Variants in SCN10A observed in about 807,000 individuals in gnomAD.
SCN10A encodes the protein sodium voltage-gated channel alpha subunit 10, also known as sodium channel protein type 10 subunit alpha.
A neutral mutation model predicts 170.7 loss-of-function variants in SCN10A; 162 were observed. The observed-to-expected ratio is 0.95, with a 90% CI of 0.84 to 1.08. The LOEUF is 1.08. Among genes scored for constraint, SCN10A ranks in the 50% least tolerant of loss-of-function variants. The probability of loss-of-function intolerance (pLI) is 0.00; values close to 1 mark genes in which losing one functional copy is unlikely to be tolerated. For synonymous variants in SCN10A, 985 were observed against 904.6 expected (o/e 1.09, Z -1.59); for missense variants, 2,527 against 2,436.9 (o/e 1.04, Z -0.78).
At chr3:38,814,582 C>T (rs1479369239) in intron 1 of SCN10A, among the ~76,000 whole-genome samples, 1 of 152,138 alleles carries the variant, frequency 6.6e-6, no homozygotes, top group African/African-American at 2.4e-5. Context: ...CATTACAGAC[C>T]ATTCTCAGGT....
At chr3:38,751,143 T>C (rs1188338315) in intron 12 of SCN10A, among the ~76,000 whole-genome samples, 1 of 152,214 alleles carries the variant, frequency 6.6e-6, no homozygotes, top group East Asian at 1.9e-4. Context: ...CCCTGGCTTC[T>C]TCTCTCCTGT....
intron 26 of SCN10A, among the ~76,000 whole-genome samples, chr3:38,706,566 A>G (rs2063213240): frequency 6.6e-6 from 1 of 152,184 alleles, no homozygotes; most frequent in African/African-American, 2.4e-5. Flanking sequence ...CATTCCCAAA[A>G]AAGTGCTATC....
rs766854459 is a variant in SCN10A at position 38,771,308 on chromosome 3, G to T, written c.570C>A (p.Asn190Lys). Reference protein sequence around the residue: ...NEFTYLRDPWNWLDFSVITLA... With the variant: ...NEFTYLRDPWKWLDFSVITLA... ...GGGTAATGACGCTAAAATCCAGCCA[G>T]TTCCAAGGATCTCTCAGGTACGTGA... Residue 190 changes from asparagine (N) to lysine (K), a missense_variant, in exon 5 of 28, where the codon AAC (asparagine) becomes AAA (lysine). Coordinates refer to ENST00000449082, the MANE Select transcript of SCN10A (RefSeq NM_006514.4). 1.9e-6 allele frequency: 3 copies of T among 1,614,118 alleles called. No homozygotes were observed. In the South Asian group the frequency reaches 3.3e-5, roughly 18 times the overall value.
At chr3:38,801,693 C>T (rs911276278) in intron 1 of SCN10A, among the ~76,000 whole-genome samples, 1 of 152,084 alleles carries the variant, frequency 6.6e-6, no homozygotes, top group Non-Finnish European at 1.5e-5. Context: ...GAGGTCTTTC[C>T]CTACTAATGT....
At chr3:38,704,364 C>G (rs1232653888) in intron 26 of SCN10A, among the ~76,000 whole-genome samples, 2 of 152,184 alleles carry the variant, frequency 1.3e-5, no homozygotes, top group Non-Finnish European at 2.9e-5. Context: ...AAAATACAGG[C>G]CCATTCATGG....
chr3:38,712,296 A>T lies in SCN10A; in HGVS notation c.3954T>A (p.Phe1318Leu). The T allele has an allele frequency of 6.2e-7, 1 of 1,614,222 alleles. No homozygotes were observed. The highest frequency in any genetic ancestry group is 1.3e-5 in the African/African-American group (1 of 75,056). ...TCACAATCGACAAAGGTACAAGGGA[A>T]AACTCTCCATCGGTATAGTTGATGC... is the stretch of plus-strand genomic sequence containing the variant. ...WRCINYTDGEFSLVPLSIVNN... is the reference protein window; with the variant it reads ...WRCINYTDGELSLVPLSIVNN... The change falls in exon 23 of 28, where the codon TTT (phenylalanine) becomes TTA (leucine). Residue 1318 changes from phenylalanine (F) to leucine (L), a missense_variant. Coordinates refer to ENST00000449082, the MANE Select transcript of SCN10A (RefSeq NM_006514.4).
rs748821446 is a variant in SCN10A at position 38,756,697 on chromosome 3, C to T, written c.1267G>A (p.Glu423Lys). The T allele has an allele frequency of 1.7e-5, 27 of 1,613,894 alleles. No homozygotes were observed. Among genetic ancestry groups the T allele is most frequent in the African/African-American group, 1.5e-4 (11 of 74,922 alleles). ...AKEKKFQEALEMLRKEQEVLA... is the reference protein window; with the variant it reads ...AKEKKFQEALKMLRKEQEVLA... ...ACCTCCTGCTCCTTCCGGAGCATCT[C>T]GAGGGCCTCCTGGAACTTCTTCTCC... Residue 423 changes from glutamate (E) to lysine (K), a missense_variant, in exon 10 of 28, where the codon GAG becomes AAG. By Grantham distance (56) the Glu-to-Lys change is moderately conservative. Coordinates refer to ENST00000449082, the MANE Select transcript of SCN10A (RefSeq NM_006514.4).
At chr3:38,757,643 C>G (rs1363049023) in intron 8 of SCN10A, among the ~76,000 whole-genome samples, 2 of 152,210 alleles carry the variant, frequency 1.3e-5, no homozygotes, top group Non-Finnish European at 2.9e-5. Flanking sequence ...TTTACAAACA[C>G]TATAATTTAA....
chr3:38,717,506 C>T (rs190003294), intron 21 of SCN10A, among the ~76,000 whole-genome samples: 1 of 152,356 alleles, frequency 6.6e-6, no homozygotes, highest in Non-Finnish European at 1.5e-5. Flanking sequence ...AGAATTATCA[C>T]CCATGACTCA....
At chr3:38,757,566 T>TA (rs938317185) in intron 8 of SCN10A, among the ~76,000 whole-genome samples, 4 of 152,232 alleles carry the variant, frequency 2.6e-5, no homozygotes, top group African/African-American at 7.2e-5. Context: ...TAATTATATG[T>TA]AACAGTGGAA....
At chr3:38,720,707 G>A (rs1047743564) in intron 20 of SCN10A, among the ~76,000 whole-genome samples, 7 of 152,094 alleles carry the variant, frequency 4.6e-5, no homozygotes, top group Non-Finnish European at 1.0e-4. Flanking sequence ...GGGGTGGACC[G>A]GGGTGTGAAG....
chr3:38,811,959 A>G (rs1221349761), intron 1 of SCN10A, among the ~76,000 whole-genome samples: 2 of 152,180 alleles, frequency 1.3e-5, no homozygotes, highest in Admixed American at 6.5e-5. Context: ...CCTGCCGCTC[A>G]CTTGGTTTAC....
At chr3:38,772,717 AC>A (rs2064019893) in intron 4 of SCN10A, among the ~76,000 whole-genome samples, 6 of 81,614 alleles carry the variant, frequency 7.4e-5, no homozygotes, top group African/African-American at 2.8e-4. Flanking sequence ...AGCAACAACA[AC>A]AACAACAAAA....
intron 4 of SCN10A, among the ~76,000 whole-genome samples, chr3:38,781,839 T>A (rs2064142868): frequency 6.6e-6 from 1 of 152,144 alleles, no homozygotes; most frequent in South Asian, 2.1e-4. Context: ...ATTTGCTTTT[T>A]ATTTTTTGAT....
intron 21 of SCN10A, among the ~76,000 whole-genome samples, chr3:38,717,409 T>C (rs2063344339): frequency 6.6e-6 from 1 of 152,246 alleles, no homozygotes; most frequent in Admixed American, 6.5e-5. Context: ...GAGATCAACA[T>C]AAGCAGGAGT....
intron 20 of SCN10A, among the ~76,000 whole-genome samples, chr3:38,720,000 C>T (rs2063373752): frequency 6.6e-6 from 1 of 152,254 alleles, no homozygotes. Context: ...GGGCAGCCCT[C>T]AGCCAGGGAC....
chr3:38,782,073 C>A (rs2064145129), intron 4 of SCN10A, among the ~76,000 whole-genome samples: 1 of 151,918 alleles, frequency 6.6e-6, no homozygotes, highest in Non-Finnish European at 1.5e-5. Flanking sequence ...CTGTTTTATC[C>A]ATTATCTGAC....
chr3:38,732,226 G>C (rs983901164), intron 15 of SCN10A, among the ~76,000 whole-genome samples: 1 of 152,158 alleles, frequency 6.6e-6, no homozygotes, highest in Non-Finnish European at 1.5e-5. Context: ...CAAATAGTTG[G>C]GGTCATGTTA....
At chr3:38,808,627 C>T (rs778568265) in intron 1 of SCN10A, among the ~76,000 whole-genome samples, 1 of 152,170 alleles carries the variant, frequency 6.6e-6, no homozygotes, top group Non-Finnish European at 1.5e-5. Context: ...TTTAGAGAAT[C>T]GTCATGAATG....
Sources: allele counts gnomAD v4.1 joint callset (sites outside exome capture counted in the v4.1 genomes callset), GRCh38; gene constraint gnomAD v4.1.1; transcripts MANE v1.5; gene names NCBI Gene and HGNC (gene_info 2026-07-23, HGNC 2026-07-21).